The following CATSPERG variants were observed in gnomAD, a reference collection of about 807,000 sequenced individuals.
CATSPERG encodes the protein cation channel sperm-associated auxiliary subunit gamma.
Under a neutral mutation model 145.0 loss-of-function variants are expected in CATSPERG, and 115 were observed. The observed-to-expected ratio is 0.79, with a 90% CI of 0.68 to 0.93. CATSPERG has a LOEUF of 0.93. Ranked by LOEUF, CATSPERG falls within the 40% of genes least tolerant of loss-of-function variation. CATSPERG has a pLI of 0.00. For synonymous variants in CATSPERG, 588 were observed against 589.0 expected (o/e 1.00, Z 0.02); for missense variants, 1,296 against 1,490.1 (o/e 0.87, Z 2.14).
intron 8 of CATSPERG, among the ~76,000 whole-genome samples, chr19:38,353,310 G>A (rs925306335): frequency 2.0e-5 from 3 of 151,938 alleles, no homozygotes; most frequent in African/African-American, 7.3e-5. Flanking sequence ...CTCCAGCCTG[G>A]CCAACAGAGC....
Position 38,352,619 on chromosome 19 carries a change from T to TG in CATSPERG, c.997+188dup. ...CCTTTTTTTTTTTTTTTTTTTTTTTTGCTGGGATGAGGCTTCCACCCAGAC... is the reference window on the plus strand; with the variant it reads ...CCTTTTTTTTTTTTTTTTTTTTTTTTGGCTGGGATGAGGCTTCCACCCAGAC... On this transcript the variant is annotated intron_variant, in intron 8 of 28. Coordinates refer to ENST00000409235, the MANE Select transcript of CATSPERG (RefSeq NM_021185.5). 4 of 571,064 alleles carry TG rather than the reference T, an allele frequency of 7.0e-6. No homozygotes were observed. In the East Asian group the frequency reaches 1.2e-4, roughly 18 times the overall value. 35.4% of individuals were successfully genotyped at this position (571,064 alleles called of 1,614,324 possible).
At chr19:38,359,981 A>AAGGAGGAGGAGGTGTATGCACTG in intron 14 of CATSPERG, 1 of 1,040,690 alleles carries the variant, frequency 9.6e-7, no homozygotes, top group Non-Finnish European at 1.2e-6. Flanking sequence ...GGAGGGCTTC[A>AAGGAGGAGGAGGTGTATGCACTG]TGGGGGAGAC....
At chr19:38,358,118 G>T in intron 11 of CATSPERG, 160 bp from the exon 12 acceptor site, 1 of 661,778 alleles carries the variant, frequency 1.5e-6, no homozygotes. Flanking sequence ...CCTGTCTCAG[G>T]GGGGAAATAA....
intron 6 of CATSPERG, 38 bp downstream of exon 6, chr19:38,344,406 G>A (rs1969991799): frequency 6.5e-7 from 1 of 1,528,660 alleles, no homozygotes; most frequent in Non-Finnish European, 8.9e-7. Flanking sequence ...CAATGGTCTG[G>A]GCCTTAGGCT....
At position 38,346,708 on chromosome 19, in the gene CATSPERG, CAT is replaced by C. The variant is rs796460308; in HGVS notation, c.825+106_825+107del. On this transcript the variant is annotated intron_variant, in intron 7 of 28. Coordinates refer to ENST00000409235, the MANE Select transcript of CATSPERG (RefSeq NM_021185.5). ...CTGGGGCTCTAGAAGTCCCCAAAGA[CAT>C]ATCTGTCCCCATGAGAGGCAGATAG... 79 of 1,064,414 alleles carry C rather than the reference CAT, an allele frequency of 7.4e-5. No homozygotes were observed. In the African/African-American group the frequency reaches 1.1e-3, roughly 15 times the overall value. 65.9% of individuals were successfully genotyped at this position (1,064,414 alleles called of 1,614,324 possible). A position where few individuals can be genotyped will look rare whatever the true frequency, so the allele number is the denominator to read the frequency against.
At chr19:38,339,717 CAT>C (rs1329262773) in intron 3 of CATSPERG, among the ~76,000 whole-genome samples, 2 of 152,104 alleles carry the variant, frequency 1.3e-5, no homozygotes, top group Non-Finnish European at 2.9e-5. Context: ...AAGACTTACT[CAT>C]ATTTTCTTCA....
chr19:38,362,264 C>A lies in CATSPERG; in HGVS notation c.2149C>A (p.Gln717Lys). 1 of 1,613,298 alleles carries A rather than the reference C, an allele frequency of 6.2e-7. No individual in the cohort carries two copies. The highest frequency in any genetic ancestry group is 1.3e-5 in the African/African-American group (1 of 75,020). Residue 717 changes from glutamine (Q) to lysine (K), a missense_variant, in exon 18 of 29, where the codon CAA becomes AAA. Physicochemically the swap from Gln to Lys is moderately conservative, Grantham distance 53. Transcript: ENST00000409235. ...PTWRWWANNK[Q>K]DQDYYFFLAS... ...CTGGCGCTGGTGGGCGAACAACAAA[C>A]AAGACCAGGTAGGCGGAGCGGATTG...
rs1179032956 is a variant in CATSPERG at position 38,356,487 on chromosome 19, G to A, written c.1139G>A (p.Gly380Asp). Residue 380 changes from glycine to aspartate, a missense_variant, in exon 10 of 29, where the codon GGC becomes GAC. Physicochemically the swap from Gly to Asp is moderately conservative, Grantham distance 94 (BLOSUM62 -1). Coordinates refer to ENST00000409235, the MANE Select transcript of CATSPERG (RefSeq NM_021185.5). The part of the protein sequence containing the change: ...GYVHFGTIRD[G>D]QVSFEMLPRQ... Reference sequence around the variant, plus strand: ...TGAACCCGACCTTGCTCTGCAGATGGCCAGGTGTCCTTTGAGATGCTGCCC... The same window carrying A: ...TGAACCCGACCTTGCTCTGCAGATGACCAGGTGTCCTTTGAGATGCTGCCC... The A allele has an allele frequency of 1.2e-6, 2 of 1,614,006 alleles. No homozygotes were observed. Among genetic ancestry groups the A allele is most frequent in the Non-Finnish European group, 8.5e-7 (1 of 1,179,966 alleles).
At chr19:38,367,901 C>G in intron 25 of CATSPERG, 125 bp downstream of exon 25, 1 of 1,162,092 alleles carries the variant, frequency 8.6e-7, no homozygotes, top group Non-Finnish European at 1.3e-6. Flanking sequence ...CAGTGGGGCT[C>G]TTAGGATCTC....
rs772083470 is a variant in CATSPERG, at chr19:38,356,481, C to A, written c.1136-3C>A. On this transcript the variant is annotated splice_region_variant and splice_polypyrimidine_tract_variant and intron_variant, in intron 9 of 28. Coordinates refer to ENST00000409235, the MANE Select transcript of CATSPERG (RefSeq NM_021185.5). ...TGAACATGAACCCGACCTTGCTCTG[C>A]AGATGGCCAGGTGTCCTTTGAGATG... is the stretch of plus-strand genomic sequence containing the variant. 4 of 1,613,906 alleles carry A rather than the reference C, an allele frequency of 2.5e-6. No homozygotes were observed. Among genetic ancestry groups the A allele is most frequent in the Non-Finnish European group, 3.4e-6 (4 of 1,179,908 alleles).
chr19:38,370,442 A>C, intron 28 of CATSPERG, 84 bp from the exon 29 acceptor site: 1 of 1,571,226 alleles, frequency 6.4e-7, no homozygotes, highest in South Asian at 1.1e-5. Flanking sequence ...TCCATCTGTC[A>C]ATTTCCCTGT....
Position 38,356,065 on chromosome 19 carries a change from TACAA to T in CATSPERG, c.1136-415_1136-412del, listed in dbSNP as rs372224153. 6.8e-4 allele frequency among the ~76,000 whole-genome samples: 103 copies of T among 152,194 alleles called. No individual in the cohort carries two copies. In the East Asian group the frequency reaches 0.013, roughly 19 times the overall value. On this transcript the variant is annotated intron_variant, in intron 9 of 28. Transcript: ENST00000409235. Reference sequence around the variant, plus strand: ...TTAGTGCTAGTGATGTGGTGAGTGTTACAAACAGTTTATTATTATTGGTCCTATA... The same window carrying T: ...TTAGTGCTAGTGATGTGGTGAGTGTTACAGTTTATTATTATTGGTCCTATA...
chr19:38,360,188 C>T, intron 14 of CATSPERG: 1 of 985,264 alleles, frequency 1.0e-6, no homozygotes, highest in Non-Finnish European at 1.2e-6. Flanking sequence ...GGAACCGTGG[C>T]TGTTAGGGAG....
intron 6 of CATSPERG, among the ~76,000 whole-genome samples, chr19:38,345,775 G>A (rs1172014709): frequency 6.6e-6 from 1 of 151,676 alleles, no homozygotes; most frequent in Non-Finnish European, 1.5e-5. Flanking sequence ...GCCTCCCAAA[G>A]TGCTGGGATT....
chr19:38,337,129 G>A (rs1969854031), intron 1 of CATSPERG, 92 bp from the exon 2 acceptor site: 1 of 1,447,788 alleles, frequency 6.9e-7, no homozygotes, highest in South Asian at 1.3e-5. Context: ...CCAGGAGCAA[G>A]TGCTGTGAGA....
chr19:38,338,039 C>T (rs1969873803), intron 3 of CATSPERG, among the ~76,000 whole-genome samples: 1 of 151,794 alleles, frequency 6.6e-6, no homozygotes, highest in South Asian at 2.1e-4. Context: ...TGTGGTAGCA[C>T]CATCCAACCC....
At chr19:38,348,567 G>A (rs1307829343) in intron 7 of CATSPERG, among the ~76,000 whole-genome samples, 14 of 145,604 alleles carry the variant, frequency 9.6e-5, no homozygotes, top group Non-Finnish European at 1.5e-5. Flanking sequence ...TCCACCCCCC[G>A]GGTTCAAGTG....
chr19:38,355,360 A>G (rs1241596046), intron 9 of CATSPERG, among the ~76,000 whole-genome samples: 1 of 144,642 alleles, frequency 6.9e-6, no homozygotes, highest in African/African-American at 2.6e-5. Context: ...CGAACAAACA[A>G]ATCCCCCAAA....
chr19:38,365,362 C>G (rs1230374474), intron 22 of CATSPERG: 4 of 464,558 alleles, frequency 8.6e-6, no homozygotes, highest in Middle Eastern at 5.9e-4. Context: ...ACTTTGCCTC[C>G]TTGGCTCAAG....
Sources: gnomAD v4.1 joint callset for allele counts (sites outside exome capture counted in the v4.1 genomes callset) on GRCh38, gnomAD v4.1.1 for gene constraint, MANE v1.5 for transcripts, NCBI Gene and HGNC (gene_info 2026-07-23, HGNC 2026-07-21) for gene names.